The following FKBP5 variants were observed in gnomAD, a reference collection of about 807,000 sequenced individuals.
The protein encoded by FKBP5 is FKBP prolyl isomerase 5, also known as peptidyl-prolyl cis-trans isomerase FKBP5.
A neutral mutation model predicts 50.5 loss-of-function variants in FKBP5; 23 were observed. The ratio of observed to expected loss-of-function variants is 0.46; its 90% CI spans 0.33 to 0.65. The LOEUF (loss-of-function observed/expected upper bound fraction) is 0.65. FKBP5 is among the 30% of genes least tolerant of loss of function. The probability of loss-of-function intolerance (pLI) is 0.02; values close to 1 mark genes in which losing one functional copy is unlikely to be tolerated. For missense variants in FKBP5, 411 were observed against 553.1 expected (o/e 0.74, Z 2.58); for synonymous variants, 176 against 190.6 (o/e 0.92, Z 0.63).
intron 3 of FKBP5, among the ~76,000 whole-genome samples, chr6:35,620,948 T>C (rs985582184): frequency 1.8e-4 from 28 of 151,658 alleles, no homozygotes; most frequent in African/African-American, 5.6e-4. Context: ...TATTGAAAAA[T>C]AGAGTGTGTC....
intron 5 of FKBP5, among the ~76,000 whole-genome samples, chr6:35,615,154 C>CACACA (rs1554132893): frequency 2.9e-4 from 19 of 64,796 alleles, no homozygotes; most frequent in African/African-American, 9.3e-4. Flanking sequence ...ACAACAACAA[C>CACACA]TACACACACA....
Position 35,578,768 on chromosome 6 carries a change from C to CAAAAA in FKBP5, c.1026+1263_1026+1267dup, listed in dbSNP as rs11376572. On this transcript the variant is annotated intron_variant, in intron 9 of 10. Coordinates refer to ENST00000357266, the MANE Select transcript of FKBP5 (RefSeq NM_004117.4). ...GGGTAACAGAGAAAGACTCCATCTC[C>CAAAAA]AAAAAAAAAAAAAAGAGGAAAATAA... Among the ~76,000 whole-genome samples the CAAAAA allele has an allele frequency of 1.5e-5, 2 of 134,916 alleles. 1 individual carries two copies. The highest frequency in any genetic ancestry group is 3.2e-5 in the Non-Finnish European group (2 of 63,358). The allele number at this position is 134,916 out of a possible 152,430, so 88.5% of individuals were successfully genotyped here. A position where few individuals can be genotyped will look rare whatever the true frequency, so the allele number is the denominator to read the frequency against.
intron 1 of FKBP5, among the ~76,000 whole-genome samples, chr6:35,687,468 G>A (rs3800372): frequency 0.64 from 96,872 of 152,070 alleles, 31,171 homozygotes; most frequent in East Asian, 0.68. Context: ...TCCCTTTAGA[G>A]AATTACTTTA....
intron 1 of FKBP5, among the ~76,000 whole-genome samples, chr6:35,723,719 A>G (rs1766652886): frequency 6.6e-6 from 1 of 152,356 alleles, no homozygotes; most frequent in South Asian, 2.1e-4. Context: ...AGAGACCAGG[A>G]CAGACCAACT....
At chr6:35,628,104 T>A (rs760729424) in intron 3 of FKBP5, among the ~76,000 whole-genome samples, 1 of 152,192 alleles carries the variant, frequency 6.6e-6, no homozygotes, top group Admixed American at 6.5e-5. Context: ...AGGTTTCTAA[T>A]GCAAGGTTTA....
At chr6:35,578,998 C>T (rs1762328449) in intron 9 of FKBP5, among the ~76,000 whole-genome samples, 1 of 151,988 alleles carries the variant, frequency 6.6e-6, no homozygotes, top group South Asian at 2.1e-4. Flanking sequence ...CACTTGTAGT[C>T]CCAGCTACTC....
chr6:35,592,049 G>C (rs978809557), intron 6 of FKBP5, among the ~76,000 whole-genome samples: 1 of 152,200 alleles, frequency 6.6e-6, no homozygotes, highest in Non-Finnish European at 1.5e-5. Context: ...GCAGAGCTCT[G>C]TCTGGTTCAC....
intron 3 of FKBP5, among the ~76,000 whole-genome samples, chr6:35,628,269 C>A (rs1368403662): frequency 6.6e-6 from 1 of 152,034 alleles, no homozygotes; most frequent in Non-Finnish European, 1.5e-5. Flanking sequence ...GGTCTTGGCA[C>A]CCTTGTTGAA....
intron 1 of FKBP5, among the ~76,000 whole-genome samples, chr6:35,650,634 C>T (rs965407376): frequency 6.6e-6 from 1 of 151,830 alleles, no homozygotes. Flanking sequence ...CCACCAATGC[C>T]CGGCTAATTT....
intron 2 of FKBP5, among the ~76,000 whole-genome samples, chr6:35,713,101 A>G (rs867880592): frequency 2.2e-4 from 33 of 149,198 alleles, no homozygotes; most frequent in African/African-American, 4.9e-4. Context: ...AAAAAAAAAA[A>G]AAGAAGAAGA....
At chr6:35,698,374 G>A (rs191925260) in intron 2 of FKBP5, among the ~76,000 whole-genome samples, 85 of 152,102 alleles carry the variant, frequency 5.6e-4, no homozygotes, top group African/African-American at 1.8e-3. Context: ...AAGGCCGGGC[G>A]CGGTGGCTCA....
intron 9 of FKBP5, among the ~76,000 whole-genome samples, chr6:35,578,214 C>G (rs905307747): frequency 6.6e-6 from 1 of 151,756 alleles, no homozygotes; most frequent in Non-Finnish European, 1.5e-5. Context: ...GAGGCAGGGT[C>G]TCACTCTGTC....
At chr6:35,609,946 T>A (rs1763438235) in intron 5 of FKBP5, among the ~76,000 whole-genome samples, 1 of 152,224 alleles carries the variant, frequency 6.6e-6, no homozygotes, top group Non-Finnish European at 1.5e-5. Flanking sequence ...TTAGTCCATT[T>A]TAGTGCTGCT....
chr6:35,591,646 T>G (rs1025653575), intron 6 of FKBP5, among the ~76,000 whole-genome samples: 6 of 152,160 alleles, frequency 3.9e-5, no homozygotes. Context: ...GTTAGAGTGG[T>G]ACTCACGGGA....
chr6:35,576,011 A>G, intron 10 of FKBP5, 69 bp from the exon 11 acceptor site: 2 of 1,087,614 alleles, frequency 1.8e-6, no homozygotes, highest in Admixed American at 3.4e-5. Context: ...GCTCCTCCAG[A>G]CTGTGTATCA....
chr6:35,604,382 A>T (rs1014318570), intron 5 of FKBP5, among the ~76,000 whole-genome samples: 1 of 152,230 alleles, frequency 6.6e-6, no homozygotes, highest in African/African-American at 2.4e-5. Context: ...GAAAGAAATT[A>T]TATAAATCCA....
intron 1 of FKBP5, among the ~76,000 whole-genome samples, chr6:35,674,009 G>C (rs1281673966): frequency 1.3e-5 from 2 of 152,176 alleles, no homozygotes; most frequent in Non-Finnish European, 2.9e-5. Context: ...GGCTGGACTA[G>C]AGGATGGTTC....
intron 3 of FKBP5, among the ~76,000 whole-genome samples, chr6:35,635,026 C>CAAAAAAAAAAAAAAAAAAAAAAAAAAAAA (rs35794477): frequency 1.3e-5 from 1 of 75,140 alleles, no homozygotes; most frequent in African/African-American, 5.5e-5. Flanking sequence ...CCTGTCTCTA[C>CAAAAAAAAAAAAAAAAAAAAAAAAAAAAA]AAAAAAAAAA....
intron 5 of FKBP5, among the ~76,000 whole-genome samples, chr6:35,618,853 C>T (rs1763737357): frequency 6.6e-6 from 1 of 152,006 alleles, no homozygotes; most frequent in Non-Finnish European, 1.5e-5. Context: ...CACCACCACA[C>T]CTGGCTAGTT....
Sources: gnomAD v4.1 joint callset for allele counts (sites outside exome capture counted in the v4.1 genomes callset) on GRCh38, gnomAD v4.1.1 for gene constraint, MANE v1.5 for transcripts, NCBI Gene and HGNC (gene_info 2026-07-23, HGNC 2026-07-21) for gene names.